OLFM3: variants seen among roughly 807,000 people sequenced by gnomAD.
OLFM3 encodes the protein olfactomedin 3, also known as noelin-3.
In OLFM3, 20 loss-of-function variants were observed where a neutral mutation model predicts 48.6. The observed-to-expected ratio is 0.41, with a 90% CI of 0.29 to 0.60. OLFM3 has a LOEUF of 0.60. OLFM3 is among the 20% of genes least tolerant of loss of function. The probability of loss-of-function intolerance (pLI) is 0.28; values close to 1 mark genes in which losing one functional copy is unlikely to be tolerated. For missense variants in OLFM3, 437 were observed against 544.3 expected (o/e 0.80, Z 1.96); for synonymous variants, 222 against 198.1 (o/e 1.12, Z -1.01).
At chr1:101,861,587 T>C (rs17125608) in intron 1 of OLFM3, among the ~76,000 whole-genome samples, 17,323 of 152,232 alleles carry the variant, frequency 0.11, 1,083 homozygotes, top group Non-Finnish European at 0.13. Context: ...GACAGTGGAT[T>C]GGAAGGTCAC....
chr1:101,953,832 A>T (rs1274684788), intron 1 of OLFM3, among the ~76,000 whole-genome samples: 3 of 152,158 alleles, frequency 2.0e-5, no homozygotes, highest in African/African-American at 7.2e-5. Flanking sequence ...CACGGGCTGT[A>T]TTAGTCCCTG....
At chr1:101,991,744 G>A (rs1258404993) in intron 1 of OLFM3, among the ~76,000 whole-genome samples, 1 of 149,526 alleles carries the variant, frequency 6.7e-6, no homozygotes, top group Non-Finnish European at 1.5e-5. Flanking sequence ...ATCTCTTCAG[G>A]GGAGCAATGT....
rs561818737 is a variant in OLFM3 at position 101,961,546 on chromosome 1, C to T, written c.69+35202G>A. Among the ~76,000 whole-genome samples, 12 of 151,874 alleles carry T rather than the reference C, an allele frequency of 7.9e-5. No individual in the cohort carries two copies. The East Asian group carries it at 1.9e-3, about 24-fold the overall frequency. On this transcript the variant is annotated intron_variant, in intron 1 of 5. Coordinates refer to ENST00000370103, the MANE Select transcript of OLFM3 (RefSeq NM_058170.4). ...AGATAGAAAACACCTATAGAAATCCCTTTCCTAATGATACAGATCCTTGAC... is the reference window on the plus strand; with the variant it reads ...AGATAGAAAACACCTATAGAAATCCTTTTCCTAATGATACAGATCCTTGAC...
At chr1:101,893,222 T>C in intron 1 of OLFM3, 1 of 293,252 alleles carries the variant, frequency 3.4e-6, no homozygotes, top group Non-Finnish European at 6.6e-6. Flanking sequence ...ATAATGTGCT[T>C]TGTGACAGGT....
At chr1:101,844,004 A>G (rs535047369) in intron 1 of OLFM3, among the ~76,000 whole-genome samples, 1 of 152,350 alleles carries the variant, frequency 6.6e-6, no homozygotes, top group South Asian at 2.1e-4. Flanking sequence ...ATTGATGAGA[A>G]GAGCTGGTTT....
At chr1:101,944,714 T>C (rs1659900686) in intron 1 of OLFM3, among the ~76,000 whole-genome samples, 1 of 151,994 alleles carries the variant, frequency 6.6e-6, no homozygotes, top group Non-Finnish European at 1.5e-5. Flanking sequence ...ACCCCATCTC[T>C]ACTAAAAATA....
At chr1:101,947,161 A>G (rs962361210) in intron 1 of OLFM3, among the ~76,000 whole-genome samples, 2 of 152,174 alleles carry the variant, frequency 1.3e-5, no homozygotes, top group Non-Finnish European at 2.9e-5. Context: ...GAAAATTATA[A>G]TTCTTATGAA....
chr1:101,888,372 C>T (rs1657853692), intron 1 of OLFM3, among the ~76,000 whole-genome samples: 1 of 152,122 alleles, frequency 6.6e-6, no homozygotes, highest in Admixed American at 6.6e-5. Context: ...TGATCTTTGA[C>T]AAACTTGACA....
At chr1:101,937,969 TA>T (rs1402316373) in intron 1 of OLFM3, among the ~76,000 whole-genome samples, 1 of 152,222 alleles carries the variant, frequency 6.6e-6, no homozygotes, top group Admixed American at 6.5e-5. Context: ...TTATGAGCTC[TA>T]TTTATTGCTT....
intron 1 of OLFM3, among the ~76,000 whole-genome samples, chr1:101,930,087 G>A (rs757297492): frequency 8.5e-5 from 13 of 152,114 alleles, no homozygotes; most frequent in Non-Finnish European, 1.9e-4. Flanking sequence ...GCTGGAAACC[G>A]TTTAATCCTT....
At chr1:101,866,957 A>G (rs1336239274) in intron 1 of OLFM3, among the ~76,000 whole-genome samples, 2 of 152,254 alleles carry the variant, frequency 1.3e-5, no homozygotes, top group African/African-American at 4.8e-5. Flanking sequence ...TAAACCCCAA[A>G]CACTTGGCTC....
In OLFM3 at chr1:101,935,085, C is replaced by T. The variant is rs141918067; in HGVS notation, c.69+61663G>A. ...CTAGAGAAACAAGAGCAAACCCACC[C>T]CAAAGGTAGCAGAAGACAAGAAAAA... On this transcript the variant is annotated intron_variant, in intron 1 of 5. Coordinates refer to ENST00000370103, the MANE Select transcript of OLFM3 (RefSeq NM_058170.4). Among the ~76,000 whole-genome samples, 1,467 of 151,714 alleles carry T rather than the reference C, an allele frequency of 9.7e-3. 27 individuals are homozygous for T. Among genetic ancestry groups the T allele is most frequent in the African/African-American group, 0.034 (1,406 of 41,372 alleles).
chr1:101,925,174 AGG>A (rs1396826560), intron 1 of OLFM3, among the ~76,000 whole-genome samples: 2 of 152,122 alleles, frequency 1.3e-5, no homozygotes, highest in Non-Finnish European at 2.9e-5. Flanking sequence ...ATATGGTCAC[AGG>A]GTGCCAGAGA....
intron 4 of OLFM3, among the ~76,000 whole-genome samples, chr1:101,816,501 T>G (rs1455368650): frequency 1.3e-5 from 2 of 152,174 alleles, no homozygotes; most frequent in East Asian, 3.8e-4. Context: ...TGTCTGTCTG[T>G]TTTTACTCCC....
intron 1 of OLFM3, among the ~76,000 whole-genome samples, chr1:101,969,058 C>T (rs543744671): frequency 6.6e-5 from 10 of 152,256 alleles, no homozygotes; most frequent in African/African-American, 2.4e-4. Flanking sequence ...CATTAGTGAC[C>T]CAGAGTGAAC....
At chr1:101,812,949 T>C (rs1654139738) in intron 4 of OLFM3, 16 of 1,017,144 alleles carry the variant, frequency 1.6e-5, no homozygotes, top group Non-Finnish European at 1.9e-5. Context: ...ATAGTTACTA[T>C]TTAAAGATAT....
chr1:101,816,375 G>A (rs568915865), intron 4 of OLFM3, among the ~76,000 whole-genome samples: 2 of 152,302 alleles, frequency 1.3e-5, no homozygotes, highest in African/African-American at 4.8e-5. Context: ...ATACGCTGAT[G>A]TTGTGAAAGA....
chr1:101,960,530 A>G (rs781468454), intron 1 of OLFM3, among the ~76,000 whole-genome samples: 1 of 152,206 alleles, frequency 6.6e-6, no homozygotes, highest in Non-Finnish European at 1.5e-5. Context: ...GTATTTGCCA[A>G]TCATATGAGC....
At chr1:101,994,046 T>A (rs535682468) in intron 1 of OLFM3, among the ~76,000 whole-genome samples, 2 of 151,744 alleles carry the variant, frequency 1.3e-5, no homozygotes, top group South Asian at 2.1e-4. Flanking sequence ...GAAAACCCAG[T>A]TGTCTTCAGG....
Sources: allele counts gnomAD v4.1 joint callset (sites outside exome capture counted in the v4.1 genomes callset), GRCh38; gene constraint gnomAD v4.1.1; transcripts MANE v1.5; gene names NCBI Gene and HGNC (gene_info 2026-07-23, HGNC 2026-07-21).